FBN2: variants seen among roughly 807,000 people sequenced by gnomAD.
FBN2 encodes fibrillin-2.
FBN2 carries 105 observed loss-of-function variants against 355.6 expected under a neutral mutation model. That is an observed-to-expected ratio of 0.30 (90% CI 0.25 to 0.35). FBN2 has a LOEUF of 0.35. Ranked by LOEUF, FBN2 falls within the 10% of genes least tolerant of loss-of-function variation. The pLI is 1.00. For synonymous variants in FBN2, 1,350 were observed against 1,301.2 expected (o/e 1.04, Z -0.81); for missense variants, 3,280 against 3,758.7 (o/e 0.87, Z 3.33).
At chr5:128,266,752 A>G (rs1165811991) in intron 62 of FBN2, among the ~76,000 whole-genome samples, 4 of 152,050 alleles carry the variant, frequency 2.6e-5, no homozygotes, top group Non-Finnish European at 5.9e-5. Flanking sequence ...ATTAACCAAC[A>G]AGTCCATGGT....
At chr5:128,379,100 T>C (rs1027965185) in intron 11 of FBN2, among the ~76,000 whole-genome samples, 1 of 152,016 alleles carries the variant, frequency 6.6e-6, no homozygotes, top group Non-Finnish European at 1.5e-5. Flanking sequence ...TTTTAGAGAG[T>C]ACCATGGGAA....
At chr5:128,418,436 T>C (rs1384324258) in intron 7 of FBN2, among the ~76,000 whole-genome samples, 1 of 152,106 alleles carries the variant, frequency 6.6e-6, no homozygotes, top group South Asian at 2.1e-4. Flanking sequence ...GCATCATTAA[T>C]TGTTTTACTT....
chr5:128,328,509 T>A, intron 34 of FBN2, 187 bp downstream of exon 34: 1 of 713,060 alleles, frequency 1.4e-6, no homozygotes, highest in Non-Finnish European at 2.5e-6. Flanking sequence ...GAAAACTTCA[T>A]AAGAGATGAA....
At chr5:128,419,945 T>C (rs1164838266) in intron 7 of FBN2, among the ~76,000 whole-genome samples, 2 of 152,224 alleles carry the variant, frequency 1.3e-5, no homozygotes, top group African/African-American at 4.8e-5. Context: ...TCTGCCCACC[T>C]TGGCCTCCCA....
chr5:128,373,811 G>A (rs1290493513), intron 15 of FBN2, among the ~76,000 whole-genome samples: 1 of 152,010 alleles, frequency 6.6e-6, no homozygotes, highest in Non-Finnish European at 1.5e-5. Flanking sequence ...TGATTTTCAT[G>A]GGATCAATTT....
intron 48 of FBN2, among the ~76,000 whole-genome samples, chr5:128,298,542 AT>A (rs1411905896): frequency 6.6e-6 from 1 of 151,876 alleles, no homozygotes; most frequent in Non-Finnish European, 1.5e-5. Context: ...ATTTCTTTTT[AT>A]TCTTTTTTCT....
Position 128,366,442 on chromosome 5 carries a change from A to G in FBN2, c.2249-12T>C, listed in dbSNP as rs776314725. 45 of 1,583,308 alleles carry G rather than the reference A, an allele frequency of 2.8e-5. No homozygotes were observed. The highest frequency in any genetic ancestry group is 5.2e-6 in the Non-Finnish European group (6 of 1,154,664). On this transcript the variant is annotated splice_polypyrimidine_tract_variant and intron_variant, in intron 16 of 64. Coordinates refer to ENST00000262464, the MANE Select transcript of FBN2 (RefSeq NM_001999.4). ...GCCGTGGAATTCAGCTGTATGACAAAAAGAAATAGAAGAATTAAAAACTTA... is the reference window on the plus strand; with the variant it reads ...GCCGTGGAATTCAGCTGTATGACAAGAAGAAATAGAAGAATTAAAAACTTA...
At chr5:128,439,131 G>C (rs1197673743) in intron 7 of FBN2, among the ~76,000 whole-genome samples, 1 of 151,960 alleles carries the variant, frequency 6.6e-6, no homozygotes, top group Non-Finnish European at 1.5e-5. Context: ...GTTTTTAATT[G>C]AATCAGTCCA....
chr5:128,349,882 G>T, intron 22 of FBN2, 73 bp downstream of exon 22: 1 of 1,158,622 alleles, frequency 8.6e-7, no homozygotes, highest in Non-Finnish European at 1.3e-6. Flanking sequence ...TATCTCCAAA[G>T]TTTGAGAGTG....
At chr5:128,472,157 T>A (rs189408568) in intron 5 of FBN2, among the ~76,000 whole-genome samples, 1 of 152,272 alleles carries the variant, frequency 6.6e-6, no homozygotes, top group Admixed American at 6.5e-5. Flanking sequence ...GGTATATACA[T>A]ACCAAAAACT....
chr5:128,465,660 G>A (rs1337157442), intron 5 of FBN2, among the ~76,000 whole-genome samples: 2 of 152,162 alleles, frequency 1.3e-5, no homozygotes, highest in African/African-American at 2.4e-5. Context: ...TTCCTTACAC[G>A]TAAGTTAGTA....
At chr5:128,393,597 T>C (rs1335945618) in intron 9 of FBN2, among the ~76,000 whole-genome samples, 1 of 152,260 alleles carries the variant, frequency 6.6e-6, no homozygotes, top group African/African-American at 2.4e-5. Flanking sequence ...CTGAGTTGCA[T>C]AAACAATCAT....
intron 6 of FBN2, 32 bp downstream of exon 6, chr5:128,464,692 C>G: frequency 6.2e-7 from 1 of 1,606,248 alleles, no homozygotes; most frequent in Non-Finnish European, 8.5e-7. Context: ...GGCAGGTCTG[C>G]GATGGTGTGC....
chr5:128,359,952 C>G (rs759284237), intron 19 of FBN2, among the ~76,000 whole-genome samples: 16 of 152,046 alleles, frequency 1.1e-4, no homozygotes, highest in Non-Finnish European at 1.9e-4. Context: ...CATTTAGTTC[C>G]GCATTACGTG....
chr5:128,410,187 G>A (rs576422645), intron 7 of FBN2, among the ~76,000 whole-genome samples: 1 of 152,308 alleles, frequency 6.6e-6, no homozygotes, highest in South Asian at 2.1e-4. Context: ...TACATGAGGA[G>A]TAAATACAAA....
At chr5:128,324,573 A>C (rs1456954723) in intron 34 of FBN2, among the ~76,000 whole-genome samples, 1 of 150,670 alleles carries the variant, frequency 6.6e-6, no homozygotes, top group East Asian at 1.9e-4. Flanking sequence ...CAGGTTGTTC[A>C]GTTTCCATAT....
intron 7 of FBN2, among the ~76,000 whole-genome samples, chr5:128,415,549 T>C (rs1032026167): frequency 2.6e-5 from 4 of 152,190 alleles, no homozygotes; most frequent in Non-Finnish European, 5.9e-5. Context: ...TTCTTTTTTA[T>C]AACCAAGTAG....
In FBN2 at chr5:128,258,140, G is replaced by C. The variant is rs886059883; in HGVS notation, c.*1315C>G. ...GTTTGAGAGGAACAACCAGGAGCCT[G>C]CATGTGCTTTGGCCATTTCACATAT... is the stretch of plus-strand genomic sequence containing the variant. On this transcript the variant is annotated 3_prime_UTR_variant, in exon 65 of 65. Transcript: ENST00000262464. 2 of 152,550 alleles carry C rather than the reference G, an allele frequency of 1.3e-5. No homozygotes were observed. The highest frequency in any genetic ancestry group is 1.5e-5 in the Non-Finnish European group (1 of 68,034). 9.4% of individuals were successfully genotyped at this position (152,550 alleles called of 1,614,324 possible).
chr5:128,412,920 A>T (rs1753108969), intron 7 of FBN2, among the ~76,000 whole-genome samples: 1 of 152,228 alleles, frequency 6.6e-6, no homozygotes, highest in Non-Finnish European at 1.5e-5. Flanking sequence ...ACATATATTC[A>T]GGATATAATT....
Sources: allele counts gnomAD v4.1 joint callset (sites outside exome capture counted in the v4.1 genomes callset), GRCh38; gene constraint gnomAD v4.1.1; transcripts MANE v1.5; gene names NCBI Gene and HGNC (gene_info 2026-07-23, HGNC 2026-07-21).